The following SOX6 variants were observed in gnomAD, a reference collection of about 807,000 sequenced individuals.
SOX6 encodes SRY-box transcription factor 6.
SOX6 carries 11 observed loss-of-function variants against 97.8 expected under a neutral mutation model. The ratio of observed to expected loss-of-function variants is 0.11; its 90% CI spans 0.07 to 0.19. SOX6 has a LOEUF of 0.19. Among genes scored for constraint, SOX6 ranks in the 10% least tolerant of loss-of-function variants. The probability of loss-of-function intolerance (pLI) is 1.00; values close to 1 mark genes in which losing one functional copy is unlikely to be tolerated. For missense variants in SOX6, 810 were observed against 1,039.5 expected (o/e 0.78, Z 3.04); for synonymous variants, 360 against 371.4 (o/e 0.97, Z 0.35).
At chr11:16,463,454 G>C (rs1859970265) in intron 1 of SOX6, among the ~76,000 whole-genome samples, 1 of 152,058 alleles carries the variant, frequency 6.6e-6, no homozygotes, top group African/African-American at 2.4e-5. Context: ...GTGCTAAGAA[G>C]GCAAAAAAGA....
At chr11:16,135,927 C>T (rs1179767107) in intron 6 of SOX6, among the ~76,000 whole-genome samples, 1 of 152,192 alleles carries the variant, frequency 6.6e-6, no homozygotes, top group African/African-American at 2.4e-5. Context: ...ACTGCTACAG[C>T]TACCCAATCT....
At chr11:16,386,148 T>C (rs1748473960) in intron 1 of SOX6, among the ~76,000 whole-genome samples, 1 of 152,166 alleles carries the variant, frequency 6.6e-6, no homozygotes, top group South Asian at 2.1e-4. Flanking sequence ...AGCAGAGTTG[T>C]TGTTTTTTGT....
chr11:16,128,015 C>T (rs1849648743), intron 6 of SOX6, among the ~76,000 whole-genome samples: 1 of 152,104 alleles, frequency 6.6e-6, no homozygotes, highest in African/African-American at 2.4e-5. Flanking sequence ...TGTATTATGT[C>T]CCAGCTAGTT....
intron 4 of SOX6, among the ~76,000 whole-genome samples, chr11:16,503,781 A>G (rs557624277): frequency 2.6e-5 from 4 of 152,172 alleles, no homozygotes; most frequent in African/African-American, 9.6e-5. Context: ...ACGGTGGCTC[A>G]CCCCTGTAAT....
intron 1 of SOX6, among the ~76,000 whole-genome samples, chr11:16,453,278 T>C (rs1859755128): frequency 6.6e-6 from 1 of 152,144 alleles, no homozygotes; most frequent in African/African-American, 2.4e-5. Context: ...TTAGGCTACC[T>C]AGTCCCATAT....
intron 1 of SOX6, among the ~76,000 whole-genome samples, chr11:16,397,061 T>C (rs1192161877): frequency 6.6e-6 from 1 of 151,390 alleles, no homozygotes; most frequent in Admixed American, 6.6e-5. Flanking sequence ...CTTTAAATTA[T>C]ATTTTAATAC....
At chr11:16,121,963 C>T (rs1416951356) in intron 6 of SOX6, among the ~76,000 whole-genome samples, 1 of 151,976 alleles carries the variant, frequency 6.6e-6, no homozygotes, top group African/African-American at 2.4e-5. Context: ...GTTAAAATCA[C>T]TTTAAAGTGC....
At chr11:16,379,498 G>T (rs1454095421) in intron 1 of SOX6, among the ~76,000 whole-genome samples, 1 of 151,786 alleles carries the variant, frequency 6.6e-6, no homozygotes, top group African/African-American at 2.4e-5. Flanking sequence ...AATAAATAAA[G>T]AAATATTCCA....
chr11:16,520,970 A>C (rs1861048979), intron 4 of SOX6, among the ~76,000 whole-genome samples: 1 of 152,222 alleles, frequency 6.6e-6, no homozygotes, highest in African/African-American at 2.4e-5. Context: ...TAAACAAAGC[A>C]GCCGGGAAGC....
intron 1 of SOX6, among the ~76,000 whole-genome samples, chr11:16,468,188 C>T (rs1860077548): frequency 6.6e-6 from 1 of 152,192 alleles, no homozygotes; most frequent in South Asian, 2.1e-4. Flanking sequence ...TGCAACTCTA[C>T]TCCACCTTCA....
rs1853282132 is a variant in SOX6 at position 15,970,922 on chromosome 11, T to C, written c.*1887A>G. On this transcript the variant is annotated 3_prime_UTR_variant, in exon 16 of 16. Coordinates refer to ENST00000683767, the MANE Select transcript of SOX6 (RefSeq NM_001367873.1). Reference sequence around the variant, plus strand: ...AACCTCTCTGGGGGAAGCCCCCCGATAGACAACCTGTCCTAGTTTCAGGAA... The same window carrying C: ...AACCTCTCTGGGGGAAGCCCCCCGACAGACAACCTGTCCTAGTTTCAGGAA... 1 of 152,606 alleles carries C rather than the reference T, an allele frequency of 6.6e-6. No homozygotes were observed. The allele number at this position is 152,606 out of a possible 1,614,324, so 9.5% of individuals were successfully genotyped here.
intron 4 of SOX6, among the ~76,000 whole-genome samples, chr11:16,500,201 G>C (rs1226003396): frequency 2.0e-5 from 3 of 152,142 alleles, no homozygotes; most frequent in Non-Finnish European, 4.4e-5. Flanking sequence ...CAGAACCAAT[G>C]ACAAAAACCA....
In SOX6 at chr11:16,634,672, T is replaced by G. The variant is rs539444589; in HGVS notation, n.430-22412A>C. Among the ~76,000 whole-genome samples the G allele has an allele frequency of 3.9e-5, 6 of 152,334 alleles. No homozygotes were observed. In the South Asian group the frequency reaches 1.2e-3, roughly 32 times the overall value. On this transcript the variant is annotated intron_variant and non_coding_transcript_variant, in intron 3 of 5. Transcript: ENST00000524520. Reference sequence around the variant, plus strand: ...TTACATTTTTCTAGAAAATTTCTATTTTATCTAACTTTTCAAATTATTTTT... The same window carrying G: ...TTACATTTTTCTAGAAAATTTCTATGTTATCTAACTTTTCAAATTATTTTT...
At chr11:16,113,661 A>C (rs1849280696) in intron 6 of SOX6, among the ~76,000 whole-genome samples, 1 of 152,194 alleles carries the variant, frequency 6.6e-6, no homozygotes, top group African/African-American at 2.4e-5. Flanking sequence ...GCCTCCAGAA[A>C]TATGGCCCTA....
At chr11:16,638,760 G>A (rs1298575077) in intron 3 of SOX6, among the ~76,000 whole-genome samples, 1 of 152,188 alleles carries the variant, frequency 6.6e-6, no homozygotes, top group African/African-American at 2.4e-5. Context: ...ACTTGTTGAT[G>A]AGGTTGTTTG....
In SOX6 at chr11:16,738,146, T is replaced by G. The variant is rs1369555629; in HGVS notation, n.219+279A>C. ...TTCTGTATGGGAAAACAGCGAAATA[T>G]TCATGAAAACATTTAGAAAGCAGCA... On this transcript the variant is annotated intron_variant and non_coding_transcript_variant, in intron 1 of 5. Transcript: ENST00000524520. 2.0e-5 allele frequency among the ~76,000 whole-genome samples: 3 copies of G among 152,100 alleles called. No homozygotes were observed. In the East Asian group the frequency reaches 5.8e-4, roughly 29 times the overall value.
intron 4 of SOX6, among the ~76,000 whole-genome samples, chr11:16,539,975 C>T (rs529280306): frequency 3.7e-4 from 56 of 152,224 alleles, no homozygotes; most frequent in Non-Finnish European, 7.6e-4. Context: ...TTTATGAGGC[C>T]AGCATCATCC....
At chr11:16,090,107 C>T (rs1848653153) in intron 9 of SOX6, among the ~76,000 whole-genome samples, 1 of 152,070 alleles carries the variant, frequency 6.6e-6, no homozygotes, top group Non-Finnish European at 1.5e-5. Context: ...ATCATCACAT[C>T]TTACAAGAAA....
intron 9 of SOX6, among the ~76,000 whole-genome samples, chr11:16,086,809 G>A (rs891316946): frequency 1.8e-4 from 28 of 152,182 alleles, no homozygotes; most frequent in Non-Finnish European, 2.9e-4. Flanking sequence ...TAGGTTTGAC[G>A]TTTATTCTGG....
Sources: gnomAD v4.1 joint callset for allele counts (sites outside exome capture counted in the v4.1 genomes callset) on GRCh38, gnomAD v4.1.1 for gene constraint, MANE v1.5 for transcripts, NCBI Gene and HGNC (gene_info 2026-07-23, HGNC 2026-07-21) for gene names.